THSD1: variants seen among roughly 807,000 people sequenced by gnomAD.
THSD1 encodes the protein thrombospondin type 1 domain containing 1.
In THSD1, 34 loss-of-function variants were observed where a neutral mutation model predicts 46.3. That is an observed-to-expected ratio of 0.74 (90% CI 0.56 to 0.98). The LOEUF (loss-of-function observed/expected upper bound fraction) is 0.98. Among genes scored for constraint, THSD1 ranks in the 50% least tolerant of loss-of-function variants. The pLI is 0.00. For synonymous variants in THSD1, 407 were observed against 416.5 expected (o/e 0.98, Z 0.28); for missense variants, 1,023 against 1,058.3 (o/e 0.97, Z 0.46).
intron 3 of THSD1, among the ~76,000 whole-genome samples, chr13:52,396,289 C>T (rs1006661360): frequency 6.6e-6 from 1 of 152,028 alleles, no homozygotes; most frequent in African/African-American, 2.4e-5. Flanking sequence ...TTTGGGAGGC[C>T]GAGGCATGTG....
rs552746254 is a variant in THSD1, at chr13:52,400,603, AAAAC to A, written c.58+1936_58+1939del. Reference sequence around the variant, plus strand: ...GACAACAGCGAGACTCCATCTCAAAAAAACAAACAAACAAACAAACAAAAAACTA... The same window carrying A: ...GACAACAGCGAGACTCCATCTCAAAAAAACAAACAAACAAACAAAAAACTA... On this transcript the variant is annotated intron_variant, in intron 2 of 4. Transcript: ENST00000258613. Among the ~76,000 whole-genome samples the A allele has an allele frequency of 8.8e-4, 134 of 152,136 alleles. 1 individual carries two copies. Among genetic ancestry groups the A allele is most frequent in the African/African-American group, 3.0e-3 (124 of 41,508 alleles).
At chr13:52,400,919 T>C (rs1014261966) in intron 2 of THSD1, among the ~76,000 whole-genome samples, 1 of 152,210 alleles carries the variant, frequency 6.6e-6, no homozygotes, top group African/African-American at 2.4e-5. Context: ...GAACACATAC[T>C]TTTTTGTAGA....
chr13:52,380,930 C>T (rs1459412556), intron 4 of THSD1, among the ~76,000 whole-genome samples: 1 of 152,156 alleles, frequency 6.6e-6, no homozygotes, highest in African/African-American at 2.4e-5. Flanking sequence ...CACTCTAGCA[C>T]CTGGGTCCCA....
intron 1 of THSD1, chr13:52,403,063 T>A: frequency 1.6e-6 from 1 of 611,424 alleles, no homozygotes; most frequent in Non-Finnish European, 2.0e-6. Flanking sequence ...CTGATCAATT[T>A]ACTAAATTTC....
At chr13:52,396,966 T>C (rs1312086820) in intron 3 of THSD1, among the ~76,000 whole-genome samples, 1 of 152,198 alleles carries the variant, frequency 6.6e-6, no homozygotes, top group African/African-American at 2.4e-5. Flanking sequence ...GAGTGTTACA[T>C]GTTGATTTCG....
intron 3 of THSD1, among the ~76,000 whole-genome samples, chr13:52,388,428 C>T (rs1287477702): frequency 6.6e-6 from 1 of 152,122 alleles, no homozygotes; most frequent in Admixed American, 6.5e-5. Flanking sequence ...TTTTTAAATG[C>T]TCTAAAATAT....
chr13:52,392,944 G>C (rs1957784064), intron 3 of THSD1, among the ~76,000 whole-genome samples: 1 of 152,032 alleles, frequency 6.6e-6, no homozygotes, highest in Non-Finnish European at 1.5e-5. Context: ...GGTGTTCCAA[G>C]AGATGGGTGG....
intron 2 of THSD1, 77 bp from the exon 3 acceptor site, chr13:52,398,271 ATTTTTAAATT>A (rs1957826962): frequency 6.6e-7 from 1 of 1,516,684 alleles, no homozygotes; most frequent in Non-Finnish European, 8.8e-7. Flanking sequence ...TGAAAACAGA[ATTTTTAAATT>A]TTTTTTTGAG....
intron 2 of THSD1, among the ~76,000 whole-genome samples, chr13:52,402,165 G>T (rs9526914): frequency 0.6 from 91,751 of 151,994 alleles, 28,431 homozygotes; most frequent in Middle Eastern, 0.72. Context: ...ACCAAAACTC[G>T]GTCAAGTGAA....
chr13:52,388,189 A>AT (rs1396265709), intron 3 of THSD1, among the ~76,000 whole-genome samples: 27 of 150,020 alleles, frequency 1.8e-4, no homozygotes, highest in Non-Finnish European at 3.3e-4. Flanking sequence ...AGTAAAAAAA[A>AT]AAATATATAT....
At chr13:52,379,479 T>C (rs185715533) in intron 4 of THSD1, among the ~76,000 whole-genome samples, 132 of 152,190 alleles carry the variant, frequency 8.7e-4, no homozygotes, top group Non-Finnish European at 1.4e-3. Context: ...TTTTCTTTTT[T>C]TTTTTGTTTT....
At chr13:52,380,728 ACTTT>A (rs1472134206) in intron 4 of THSD1, among the ~76,000 whole-genome samples, 1 of 152,006 alleles carries the variant, frequency 6.6e-6, no homozygotes, top group African/African-American at 2.4e-5. Context: ...GATTACACAT[ACTTT>A]CTTTATAAGT....
chr13:52,392,210 AAG>A (rs1491432137), intron 3 of THSD1, among the ~76,000 whole-genome samples: 4 of 151,488 alleles, frequency 2.6e-5, no homozygotes, highest in African/African-American at 7.3e-5. Context: ...AAAAAAAAAA[AAG>A]TAAAATCATA....
intron 3 of THSD1, among the ~76,000 whole-genome samples, chr13:52,394,332 G>A (rs1159927860): frequency 1.3e-5 from 2 of 152,092 alleles, no homozygotes; most frequent in Non-Finnish European, 2.9e-5. Flanking sequence ...AAGAATATTG[G>A]GCCAGGCACG....
intron 4 of THSD1, among the ~76,000 whole-genome samples, chr13:52,380,927 G>C (rs112668488): frequency 6.6e-6 from 1 of 152,056 alleles, no homozygotes; most frequent in African/African-American, 2.4e-5. Context: ...AGTCACTCTA[G>C]CACCTGGGTC....
At position 52,389,359 on chromosome 13, in the gene THSD1, A is replaced by G. The variant is rs189772892; in HGVS notation, c.1022-3173T>C. 5.3e-5 allele frequency among the ~76,000 whole-genome samples: 8 copies of G among 152,374 alleles called. No individual in the cohort carries two copies. In the East Asian group the frequency reaches 1.3e-3, roughly 26 times the overall value. On this transcript the variant is annotated intron_variant, in intron 3 of 4. Transcript: ENST00000258613. The stretch of plus-strand genomic sequence containing the variant: ...TTAATCTAAAATAAGGCAGAAAAAA[A>G]GATGAAAAAACAGAATGGATGTAAC...
At position 52,402,514 on chromosome 13, in the gene THSD1, G is replaced by A. The variant is rs74085767; in HGVS notation, c.58+29C>T. The A allele has an allele frequency of 1.7e-3, 2,747 of 1,601,830 alleles. 35 individuals are homozygous for A. In the African/African-American group the frequency reaches 0.03, roughly 17 times the overall value. On this transcript the variant is annotated intron_variant, in intron 2 of 4. Transcript: ENST00000258613. ...TCATCTTTATGTCTTATTGCTACCA[G>A]TAGCGTTAAGTATACTCACAATACT...
intron 4 of THSD1, among the ~76,000 whole-genome samples, chr13:52,379,038 T>C (rs1957671144): frequency 6.6e-6 from 1 of 151,924 alleles, no homozygotes; most frequent in South Asian, 2.1e-4. Context: ...AATTTTTTTG[T>C]ATTTTTAGTA....
At position 52,378,228 on chromosome 13, in the gene THSD1, G is replaced by A. The variant is rs200591779; in HGVS notation, c.1742C>T (p.Ala581Val). The stretch of plus-strand genomic sequence containing the variant: ...GGATTTGATCCGGAACTTGTTTGCT[G>A]CAGCTTCTTCCGGGCTTTCCAAATC... Reference protein sequence around the residue: ...PLDLESPEEAAANKFRIKSPF... With the variant: ...PLDLESPEEAVANKFRIKSPF... The change falls in exon 5 of 5, where the codon GCA becomes GTA. Residue 581 changes from alanine (A) to valine (V), a missense_variant. Ala to Val is a moderately conservative substitution (Grantham distance 64). This residue lies in a region of THSD1 where 578 missense variants were observed against 497.4 expected (regional missense o/e 1.16). Transcript: ENST00000258613. The A allele has an allele frequency of 1.0e-4, 169 of 1,614,110 alleles. No individual in the cohort carries two copies. The highest frequency in any genetic ancestry group is 2.2e-4 in the Admixed American group (13 of 60,006).
Sources: allele counts gnomAD v4.1 joint callset (sites outside exome capture counted in the v4.1 genomes callset), GRCh38; gene constraint gnomAD v4.1.1; regional missense constraint gnomAD v4.1.1; transcripts MANE v1.5; gene names NCBI Gene and HGNC (gene_info 2026-07-23, HGNC 2026-07-21).